NSUN4: variants seen among roughly 807,000 people sequenced by gnomAD.
NSUN4 encodes the protein 5-cytosine rRNA methyltransferase NSUN4.
NSUN4 carries 31 observed loss-of-function variants against 43.8 expected under a neutral mutation model. The observed-to-expected ratio is 0.71, with a 90% CI of 0.53 to 0.96. The LOEUF is 0.96. Among genes scored for constraint, NSUN4 ranks in the 40% least tolerant of loss-of-function variants. The pLI, the probability that NSUN4 is intolerant of heterozygous loss-of-function variation, is 0.00. For missense variants in NSUN4, 439 were observed against 475.6 expected (o/e 0.92, Z 0.72); for synonymous variants, 167 against 184.1 (o/e 0.91, Z 0.75).
chr1:46,374,557 T>G, the NSUN4 span, among the ~76,000 whole-genome samples: 1 of 151,798 alleles, frequency 6.6e-6, no homozygotes, highest in Admixed American at 6.6e-5. Flanking sequence ...TGTAGTGAGC[T>G]GAGAGGGCGC....
chr1:46,360,184 G>A (rs1283218583), intron 4 of NSUN4, among the ~76,000 whole-genome samples: 2 of 130,096 alleles, frequency 1.5e-5, no homozygotes, highest in Non-Finnish European at 3.1e-5. Flanking sequence ...AGCCGAGATT[G>A]CGCCACTGCA....
chr1:46,366,998 G>A (rs1664151286), downstream of NSUN4, among the ~76,000 whole-genome samples: 1 of 152,050 alleles, frequency 6.6e-6, no homozygotes, highest in East Asian at 1.9e-4. Context: ...AGCTTTGGCC[G>A]TTCTCAGAAA....
chr1:46,354,919 C>T (rs1663261912), intron 4 of NSUN4, among the ~76,000 whole-genome samples: 1 of 152,180 alleles, frequency 6.6e-6, no homozygotes, highest in African/African-American at 2.4e-5. Context: ...GATCCATTAG[C>T]CTCAGCCTCC....
chr1:46,348,420 T>G (rs66575205), intron 3 of NSUN4, among the ~76,000 whole-genome samples: 34,138 of 152,108 alleles, frequency 0.22, 4,299 homozygotes, highest in Non-Finnish European at 0.29. Context: ...CTCTTAAAGA[T>G]GATGGATTCT....
intron 4 of NSUN4, among the ~76,000 whole-genome samples, chr1:46,354,404 C>T (rs571007255): frequency 1.3e-5 from 2 of 151,926 alleles, no homozygotes; most frequent in Middle Eastern, 3.4e-3. Context: ...GGGCCAGTCT[C>T]TTCATGTTTT....
chr1:46,374,237 G>C, the NSUN4 span, among the ~76,000 whole-genome samples: 1 of 135,340 alleles, frequency 7.4e-6, no homozygotes, highest in Non-Finnish European at 1.5e-5. Flanking sequence ...GGTGAGCCGA[G>C]ATCGCACCAT....
At chr1:46,345,740 A>C (rs17102153) in intron 2 of NSUN4, among the ~76,000 whole-genome samples, 3,411 of 152,318 alleles carry the variant, frequency 0.022, 118 homozygotes, top group African/African-American at 0.076. Flanking sequence ...CATGTATATG[A>C]AGTTGAATGA....
At chr1:46,382,606 C>CTTTTT in the NSUN4 span, among the ~76,000 whole-genome samples, 1 of 142,396 alleles carries the variant, frequency 7.0e-6, no homozygotes, top group Non-Finnish European at 1.5e-5. Flanking sequence ...AAAAATGCTT[C>CTTTTT]TTTTTTTTTT....
intron 1 of NSUN4, chr1:46,341,953 T>G (rs1415238132): frequency 1.6e-6 from 2 of 1,232,874 alleles, no homozygotes; most frequent in Non-Finnish European, 2.0e-6. Context: ...TCCTTTCCCC[T>G]TGCTCATCAG....
At chr1:46,361,518 TCTA>T (rs924499365) in intron 5 of NSUN4, 49 bp from the exon 6 acceptor site, 9 of 1,553,816 alleles carry the variant, frequency 5.8e-6, no homozygotes, top group Non-Finnish European at 7.0e-6. Context: ...ATGTTGCTCT[TCTA>T]CTGCTGGGAA....
At chr1:46,361,070 C>G (rs1202532680) in intron 5 of NSUN4, among the ~76,000 whole-genome samples, 2 of 152,070 alleles carry the variant, frequency 1.3e-5, no homozygotes, top group Non-Finnish European at 2.9e-5. Context: ...TCACTTGAAC[C>G]TAGGAGGTGG....
Position 46,347,094 on chromosome 1 carries a change from G to T in NSUN4, c.592+19G>T, listed in dbSNP as rs891534254. ...TGTTGCCGTAAGTCAGGGTGCTGGT[G>T]TGTTGGGCAGAGAGAGCTCCCCACC... On this transcript the variant is annotated intron_variant, in intron 3 of 5. Coordinates refer to ENST00000474844, the MANE Select transcript of NSUN4 (RefSeq NM_199044.4). 6.2e-7 allele frequency: 1 copy of T among 1,609,984 alleles called. No homozygotes were observed. Among genetic ancestry groups the T allele is most frequent in the Non-Finnish European group, 8.5e-7 (1 of 1,177,738 alleles).
chr1:46,381,977 G>A, the NSUN4 span, among the ~76,000 whole-genome samples: 1 of 152,186 alleles, frequency 6.6e-6, no homozygotes, highest in African/African-American at 2.4e-5. Context: ...TTGGGACCTT[G>A]CTTAACATAC....
intron 1 of NSUN4, chr1:46,343,054 C>T (rs1419135068): frequency 7.5e-6 from 3 of 399,652 alleles, no homozygotes; most frequent in African/African-American, 4.1e-5. Flanking sequence ...GATCCTGTCT[C>T]GGCCAATAGT....
chr1:46,368,568 A>AAACAGCATGAGTGACCCC (rs1157291018), downstream of NSUN4, among the ~76,000 whole-genome samples: 5 of 152,222 alleles, frequency 3.3e-5, no homozygotes, highest in African/African-American at 1.2e-4. Context: ...TAGGTGACCC[A>AAACAGCATGAGTGACCCC]AACAGCATGA....
rs1662200371 is a variant in NSUN4, at chr1:46,342,722, A to G, written c.93+1803A>G. On this transcript the variant is annotated intron_variant, in intron 1 of 5. Coordinates refer to ENST00000474844, the MANE Select transcript of NSUN4 (RefSeq NM_199044.4). ...CACTTCCCCGCAGAAGCTATAATGA[A>G]CCCCCTCTTCCCACTCCAGTTTCCC... 5 of 397,770 alleles carry G rather than the reference A, an allele frequency of 1.3e-5. No individual in the cohort carries two copies. In the East Asian group the frequency reaches 1.8e-4, roughly 14 times the overall value. The allele number at this position is 397,770 out of a possible 1,614,324, so 24.6% of individuals were successfully genotyped here.
intron 4 of NSUN4, 99 bp downstream of exon 4, chr1:46,353,127 G>A: frequency 8.9e-7 from 1 of 1,123,960 alleles, no homozygotes; most frequent in Non-Finnish European, 1.3e-6. Flanking sequence ...CTATGTTTGA[G>A]CATGTAGAGC....
chr1:46,368,375 G>A (rs1247964987), downstream of NSUN4, among the ~76,000 whole-genome samples: 1 of 152,134 alleles, frequency 6.6e-6, no homozygotes, highest in Non-Finnish European at 1.5e-5. Flanking sequence ...CTTATGATTT[G>A]TTTTGACCAG....
chr1:46,351,755 C>T (rs1256588010), intron 3 of NSUN4, among the ~76,000 whole-genome samples: 1 of 148,648 alleles, frequency 6.7e-6, no homozygotes, highest in African/African-American at 2.5e-5. Flanking sequence ...AGCTCTGCCT[C>T]CCGGGTTCAC....
Sources: gnomAD v4.1 joint callset for allele counts (sites outside exome capture counted in the v4.1 genomes callset) on GRCh38, gnomAD v4.1.1 for gene constraint, MANE v1.5 for transcripts, NCBI Gene and HGNC (gene_info 2026-07-23, HGNC 2026-07-21) for gene names.